The following ELP2 variants were observed in gnomAD, a reference collection of about 807,000 sequenced individuals.
ELP2 encodes the protein elongator complex protein 2.
ELP2 carries 90 observed loss-of-function variants against 119.2 expected under a neutral mutation model. The ratio of observed to expected loss-of-function variants is 0.75; its 90% CI spans 0.64 to 0.90. The LOEUF is 0.90. ELP2 is among the 40% of genes least tolerant of loss of function. The pLI is 0.00. For missense variants in ELP2, 921 were observed against 967.8 expected, an observed-to-expected ratio of 0.95 and a Z score of 0.64; for synonymous variants, 339 against 331.0, an observed-to-expected ratio of 1.02 and a Z score of -0.26.
intron 8 of ELP2, among the ~76,000 whole-genome samples, chr18:36,143,198 T>C (rs1423575731): frequency 6.6e-6 from 1 of 151,718 alleles, no homozygotes. Context: ...CAGGTTCAAG[T>C]GATTCTCCTG....
intron 11 of ELP2, among the ~76,000 whole-genome samples, chr18:36,147,958 C>T (rs762095175): frequency 7.9e-5 from 12 of 151,870 alleles, no homozygotes; most frequent in African/African-American, 2.4e-4. Flanking sequence ...CTGGCTGTGC[C>T]GCCCTCCAGG....
At chr18:36,159,597 T>G in intron 14 of ELP2, 138 bp from the exon 15 acceptor site, 1 of 723,100 alleles carries the variant, frequency 1.4e-6, no homozygotes, top group Non-Finnish European at 2.5e-6. Context: ...TACTCTTGCC[T>G]TTGGAATCAC....
At chr18:36,154,766 C>A (rs2144712881) in intron 11 of ELP2, 84 bp from the exon 12 acceptor site, 1 of 1,511,016 alleles carries the variant, frequency 6.6e-7, no homozygotes, top group Non-Finnish European at 9.2e-7. Context: ...GGGCTTTAGT[C>A]TTCTCTGTTA....
chr18:36,131,655 A>G (rs2089632091), intron 1 of ELP2, among the ~76,000 whole-genome samples: 1 of 152,238 alleles, frequency 6.6e-6, no homozygotes, highest in Non-Finnish European at 1.5e-5. Flanking sequence ...GCATCTTGGT[A>G]AAGTCTGCAA....
chr18:36,164,904 A>C (rs1320807860), intron 18 of ELP2: 7 of 530,896 alleles, frequency 1.3e-5, no homozygotes, highest in Non-Finnish European at 2.4e-5. Flanking sequence ...GATGGCATGC[A>C]TTCAGATATC....
intron 17 of ELP2, among the ~76,000 whole-genome samples, chr18:36,163,486 T>G (rs1006306230): frequency 6.6e-6 from 1 of 152,172 alleles, no homozygotes; most frequent in Non-Finnish European, 1.5e-5. Context: ...TATCAATTTT[T>G]TTTTTTAATT....
Position 36,142,273 on chromosome 18 carries a change from C to T in ELP2, c.589-8C>T. On this transcript the variant is annotated splice_region_variant and splice_polypyrimidine_tract_variant and intron_variant, in intron 6 of 21. Coordinates refer to ENST00000358232, the MANE Select transcript of ELP2 (RefSeq NM_018255.4). ...TTACATCAAGCCCAATGATTTTTAT[C>T]TTACTAGTTTCAGAAAGTGCTTTCT... 2 of 1,612,072 alleles carry T rather than the reference C, an allele frequency of 1.2e-6. No individual in the cohort carries two copies. The highest frequency in any genetic ancestry group is 1.7e-6 in the Non-Finnish European group (2 of 1,178,342).
intron 19 of ELP2, 56 bp from the exon 20 acceptor site, chr18:36,170,007 A>T: frequency 6.2e-7 from 1 of 1,612,676 alleles, no homozygotes; most frequent in Non-Finnish European, 8.5e-7. Context: ...ACTGTAGTAC[A>T]TGGCTAGAAA....
intron 13 of ELP2, among the ~76,000 whole-genome samples, chr18:36,157,392 A>G (rs1375567779): frequency 1.3e-5 from 2 of 152,098 alleles, no homozygotes; most frequent in Non-Finnish European, 1.5e-5. Context: ...AAGGGGAGAG[A>G]GAGGGAGAGA....
In ELP2 at chr18:36,145,951, G is replaced by T. The variant is rs200706976; in HGVS notation, c.896G>T (p.Gly299Val). ...GGGATTAGGTTTTATTTTTTAGATG[G>T]TGTCCTACAGCAGCCAGTGAGATTA... ...VHWQPVFYKD[G>V]VLQQPVRLLS... is the part of the protein sequence containing the mutation. The change falls in exon 10 of 22, where the codon GGT becomes GTT. Residue 299 changes from glycine (G) to valine (V), a missense_variant. Gly to Val is a moderately radical substitution (Grantham distance 109). Coordinates refer to ENST00000358232, the MANE Select transcript of ELP2 (RefSeq NM_018255.4). 63 of 1,612,344 alleles carry T rather than the reference G, an allele frequency of 3.9e-5. No homozygotes were observed. Among genetic ancestry groups the T allele is most frequent in the Non-Finnish European group, 4.8e-5 (57 of 1,178,550 alleles).
chr18:36,138,484 C>A, intron 4 of ELP2, 58 bp downstream of exon 4: 3 of 1,534,400 alleles, frequency 2.0e-6, no homozygotes, highest in Non-Finnish European at 1.8e-6. Flanking sequence ...AAATGAATGA[C>A]GAGTAGAAGA....
rs1398567163 is a variant in ELP2, at chr18:36,129,930, C to T, written c.-4C>T. 5.0e-6 allele frequency: 8 copies of T among 1,614,080 alleles called. No individual in the cohort carries two copies. In the Admixed American group the frequency reaches 1.2e-4, roughly 24 times the overall value. On this transcript the variant is annotated 5_prime_UTR_variant, in exon 1 of 22. Transcript: ENST00000358232. ...CTTGTTTGTGCGGCTGACCAGTTGGCGACATGGTGGCACCCGTGCTGGAGA... is the reference window on the plus strand; with the variant it reads ...CTTGTTTGTGCGGCTGACCAGTTGGTGACATGGTGGCACCCGTGCTGGAGA...
chr18:36,136,417 G>A, intron 3 of ELP2, 40 bp downstream of exon 3: 1 of 1,512,288 alleles, frequency 6.6e-7, no homozygotes, highest in Non-Finnish European at 9.2e-7. Context: ...GACTTTTTTT[G>A]TTCATTTGTT....
chr18:36,177,510 TGAG>T lies in ELP2; in HGVS notation c.*2873_*2875del, dbSNP rs752245815. 3.3e-5 allele frequency: 5 copies of T among 151,918 alleles called. No individual in the cohort carries two copies. Among genetic ancestry groups the T allele is most frequent in the Admixed American group, 6.6e-5 (1 of 15,238 alleles). The allele number at this position is 151,918 out of a possible 1,614,324, so 9.4% of individuals were successfully genotyped here. A position where few individuals can be genotyped will look rare whatever the true frequency, so the allele number is the denominator to read the frequency against. On this transcript the variant is annotated 3_prime_UTR_variant, in exon 22 of 22. Coordinates refer to ENST00000358232, the MANE Select transcript of ELP2 (RefSeq NM_018255.4). Reference sequence around the variant, plus strand: ...TGCCAAGGACTGGGGGAGGAGGAAATGAGGAGTTGTTTAATGGGTATAGTGTTT... The same window carrying T: ...TGCCAAGGACTGGGGGAGGAGGAAATGAGTTGTTTAATGGGTATAGTGTTT...
chr18:36,169,464 GCAA>G (rs1037331832), intron 19 of ELP2, among the ~76,000 whole-genome samples: 42 of 150,252 alleles, frequency 2.8e-4, no homozygotes, highest in African/African-American at 1.0e-3. Flanking sequence ...TCGGCTCACT[GCAA>G]CCTCTGCCTG....
In ELP2 at chr18:36,174,564, G is replaced by T. The variant is rs765106141; in HGVS notation, c.2404G>T (p.Ala802Ser). 12 of 1,614,058 alleles carry T rather than the reference G, an allele frequency of 7.4e-6. No individual in the cohort carries two copies. In the Admixed American group the frequency reaches 2.0e-4, roughly 27 times the overall value. ...AACTGAACAGAAGGAAGCAGAAGGT[G>T]CTGAGTGGTTACACTTTGCAAGCTG... The part of the protein sequence containing the change: ...GKTEQKEAEG[A>S]EWLHFASCGE... The change falls in exon 22 of 22, where the codon GCT becomes TCT. Residue 802 changes from alanine to serine, a missense_variant. Physicochemically the swap from Ala to Ser is moderately conservative, Grantham distance 99. Transcript: ENST00000358232.
chr18:36,169,882 G>A (rs1016146535), intron 19 of ELP2, 181 bp from the exon 20 acceptor site: 23 of 742,416 alleles, frequency 3.1e-5, no homozygotes, highest in Admixed American at 8.4e-5. Flanking sequence ...CTGCTGTACC[G>A]TGCCTTCTTT....
chr18:36,171,083 T>G lies in ELP2; in HGVS notation c.2247T>G (p.Ile749Met), dbSNP rs2091066757. The G allele has an allele frequency of 1.9e-6, 3 of 1,613,972 alleles. No homozygotes were observed. Among genetic ancestry groups the G allele is most frequent in the Non-Finnish European group, 2.5e-6 (3 of 1,179,930 alleles). The stretch of plus-strand genomic sequence containing the variant: ...CAGTAGGATTGGAGTGTGGAAAGAT[T>G]TGCTTATATACCTGGAAAAAGACTG... ...VVAVGLECGK[I>M]CLYTWKKTDQ... Residue 749 changes from isoleucine (I) to methionine (M), a missense_variant, in exon 21 of 22, where the codon ATT becomes ATG. Coordinates refer to ENST00000358232, the MANE Select transcript of ELP2 (RefSeq NM_018255.4).
intron 6 of ELP2, chr18:36,141,496 AACAT>A (rs1228686082): frequency 2.5e-6 from 1 of 397,624 alleles, no homozygotes; most frequent in African/African-American, 2.0e-5. Flanking sequence ...AACGAGATAT[AACAT>A]ACCTACAGTG....
Sources: gnomAD v4.1 joint callset for allele counts (sites outside exome capture counted in the v4.1 genomes callset) on GRCh38, gnomAD v4.1.1 for gene constraint, MANE v1.5 for transcripts, NCBI Gene and HGNC (gene_info 2026-07-23, HGNC 2026-07-21) for gene names.